NAV2: variants seen among roughly 807,000 people sequenced by gnomAD.
NAV2 encodes neuron navigator 2.
NAV2 carries 54 observed loss-of-function variants against 223.2 expected under a neutral mutation model. The observed-to-expected ratio is 0.24, with a 90% confidence interval of 0.19 to 0.30. The LOEUF (loss-of-function observed/expected upper bound fraction) is 0.30. Among genes scored for constraint, NAV2 ranks in the 10% least tolerant of loss-of-function variants. The pLI, the probability that NAV2 is intolerant of heterozygous loss-of-function variation, is 1.00. For synonymous variants in NAV2, 1,279 were observed against 1,239.3 expected (o/e 1.03, Z -0.67); for missense variants, 2,806 against 3,147.5 (o/e 0.89, Z 2.60).
chr11:19,747,143 A>G (rs10734282), intron 1 of NAV2, among the ~76,000 whole-genome samples: 123,038 of 141,986 alleles, frequency 0.87, 53,638 homozygotes, highest in Middle Eastern at 0.94. Context: ...AACATGCGGT[A>G]TTTGGTTTTT....
chr11:19,632,589 GTCAGT>G (rs1194700872), intron 1 of NAV2, among the ~76,000 whole-genome samples: 2 of 152,144 alleles, frequency 1.3e-5, no homozygotes, highest in African/African-American at 2.4e-5. Flanking sequence ...TTTCATTGTG[GTCAGT>G]TCAAAGAGGC....
intron 3 of NAV2, among the ~76,000 whole-genome samples, chr11:19,864,486 T>G (rs1323552136): frequency 6.6e-6 from 1 of 152,258 alleles, no homozygotes; most frequent in African/African-American, 2.4e-5. Flanking sequence ...AAGTCCAGCC[T>G]TAATCATGAT....
At chr11:19,968,296 A>G (rs931500206) in intron 10 of NAV2, among the ~76,000 whole-genome samples, 2 of 152,146 alleles carry the variant, frequency 1.3e-5, no homozygotes, top group Admixed American at 6.5e-5. Flanking sequence ...TCCTGGGTTC[A>G]AGCTCCTGGA....
At chr11:20,063,514 A>G (rs902131013) in intron 20 of NAV2, among the ~76,000 whole-genome samples, 5 of 152,118 alleles carry the variant, frequency 3.3e-5, no homozygotes, top group Admixed American at 2.0e-4. Flanking sequence ...CTGGGATTAC[A>G]GGCAGGCACC....
At chr11:19,873,444 A>T (rs2062652409) in intron 4 of NAV2, among the ~76,000 whole-genome samples, 1 of 152,200 alleles carries the variant, frequency 6.6e-6, no homozygotes, top group Non-Finnish European at 1.5e-5. Context: ...AAGATCAGGC[A>T]TAGGTAATAT....
chr11:19,654,589 A>G (rs1336813210), intron 1 of NAV2, among the ~76,000 whole-genome samples: 4 of 152,210 alleles, frequency 2.6e-5, no homozygotes, highest in African/African-American at 9.6e-5. Flanking sequence ...ATAATGCCAC[A>G]TATCTACAAC....
chr11:19,959,646 A>G lies in NAV2; in HGVS notation c.2645+10566A>G, dbSNP rs182481324. On this transcript the variant is annotated intron_variant, in intron 10 of 37. Coordinates refer to ENST00000349880, the MANE Select transcript of NAV2 (RefSeq NM_145117.5). ...AATCTGATATAACCAAATTCAGCGCATCGTGCAGGATAAAAGTACTTAACA... is the reference window on the plus strand; with the variant it reads ...AATCTGATATAACCAAATTCAGCGCGTCGTGCAGGATAAAAGTACTTAACA... Among the ~76,000 whole-genome samples the G allele has an allele frequency of 9.3e-4, 141 of 152,322 alleles. 1 individual carries two copies. The highest frequency in any genetic ancestry group is 3.2e-3 in the African/African-American group (131 of 41,568).
chr11:19,832,659 C>A, intron 2 of NAV2, 58 bp downstream of exon 2: 1 of 1,359,180 alleles, frequency 7.4e-7, no homozygotes, highest in Non-Finnish European at 1.1e-6. Context: ...CTCAAAAGGC[C>A]GGGGTGAGGG....
At chr11:19,900,653 C>G (rs1249650719) in intron 6 of NAV2, among the ~76,000 whole-genome samples, 1 of 152,088 alleles carries the variant, frequency 6.6e-6, no homozygotes, top group African/African-American at 2.4e-5. Context: ...TCTAGGGTTC[C>G]CACAAGGATT....
At chr11:20,100,596 A>T (rs571566261) in intron 31 of NAV2, among the ~76,000 whole-genome samples, 8 of 144,678 alleles carry the variant, frequency 5.5e-5, no homozygotes, top group Non-Finnish European at 1.2e-4. Flanking sequence ...TGTGTGTAGT[A>T]AGTATAGTAA....
At chr11:19,607,747 C>T (rs1322312593) in intron 1 of NAV2, among the ~76,000 whole-genome samples, 2 of 152,204 alleles carry the variant, frequency 1.3e-5, no homozygotes, top group Non-Finnish European at 2.9e-5. Context: ...ACTCAGATTA[C>T]AGACTTCATA....
chr11:19,633,409 A>C (rs1023480024), intron 1 of NAV2, among the ~76,000 whole-genome samples: 1 of 152,368 alleles, frequency 6.6e-6, no homozygotes, highest in African/African-American at 2.4e-5. Flanking sequence ...TCAGCCCGCC[A>C]AGAGGCCGCG....
chr11:19,746,605 G>A (rs1196019943), intron 1 of NAV2, among the ~76,000 whole-genome samples: 1 of 152,086 alleles, frequency 6.6e-6, no homozygotes, highest in Non-Finnish European at 1.5e-5. Context: ...TATGGATAGG[G>A]CAATTTGAAA....
At chr11:19,525,668 C>T (rs1048648406) in intron 1 of NAV2, among the ~76,000 whole-genome samples, 4 of 152,102 alleles carry the variant, frequency 2.6e-5, no homozygotes, top group Admixed American at 6.6e-5. Flanking sequence ...GGCAAAACTG[C>T]GGGGATAGTC....
chr11:19,865,398 A>G (rs901347646), intron 3 of NAV2, among the ~76,000 whole-genome samples: 3 of 152,180 alleles, frequency 2.0e-5, no homozygotes, highest in South Asian at 4.1e-4. Context: ...GTGAATTTTA[A>G]TCACAAGAGG....
intron 1 of NAV2, among the ~76,000 whole-genome samples, chr11:19,588,885 G>T (rs2045973272): frequency 6.6e-6 from 1 of 152,196 alleles, no homozygotes; most frequent in South Asian, 2.1e-4. Context: ...TGCTGTCCTT[G>T]CCCATGTTTC....
intron 11 of NAV2, among the ~76,000 whole-genome samples, chr11:20,005,818 T>A (rs1283367619): frequency 6.6e-6 from 1 of 152,184 alleles, no homozygotes; most frequent in Non-Finnish European, 1.5e-5. Context: ...GACAGCTGGG[T>A]AAGCTAGAAT....
At chr11:19,837,399 A>T (rs945134660) in intron 2 of NAV2, among the ~76,000 whole-genome samples, 1 of 152,166 alleles carries the variant, frequency 6.6e-6, no homozygotes, top group African/African-American at 2.4e-5. Flanking sequence ...TTTGAGGAGG[A>T]GCAGGATTTT....
At chr11:19,677,372 G>A (rs2048745114) in intron 1 of NAV2, among the ~76,000 whole-genome samples, 1 of 152,218 alleles carries the variant, frequency 6.6e-6, no homozygotes, top group African/African-American at 2.4e-5. Flanking sequence ...CAGTGAGGTG[G>A]GCAAAGGCAG....
Sources: gnomAD v4.1 joint callset for allele counts (sites outside exome capture counted in the v4.1 genomes callset) on GRCh38, gnomAD v4.1.1 for gene constraint, MANE v1.5 for transcripts, NCBI Gene and HGNC (gene_info 2026-07-23, HGNC 2026-07-21) for gene names.